The following C10orf67 variants were observed in gnomAD, a reference collection of about 807,000 sequenced individuals.
The protein encoded by C10orf67 is uncharacterized protein C10orf67, mitochondrial.
A neutral mutation model predicts 35.6 loss-of-function variants in C10orf67; 60 were observed. That is an observed-to-expected ratio of 1.68 (90% CI 1.37 to 2.09). C10orf67 has a LOEUF of 2.09. Among genes scored for constraint, C10orf67 ranks in the 30% most tolerant of loss-of-function variants. C10orf67 has a pLI of 0.00. For synonymous variants in C10orf67, 167 were observed against 115.8 expected (o/e 1.44, Z -2.84); for missense variants, 474 against 330.2 (o/e 1.44, Z -3.38).
At chr10:23,261,197 A>T (rs1176437086) in intron 10 of C10orf67, among the ~76,000 whole-genome samples, 1 of 152,206 alleles carries the variant, frequency 6.6e-6, no homozygotes, top group Non-Finnish European at 1.5e-5. Flanking sequence ...TGGGGAGTCT[A>T]GTTAATACAA....
At chr10:23,227,634 G>A (rs1272237987) in intron 13 of C10orf67, among the ~76,000 whole-genome samples, 1 of 152,200 alleles carries the variant, frequency 6.6e-6, no homozygotes, top group Non-Finnish European at 1.5e-5. Flanking sequence ...ATTTGGAAAA[G>A]AGGAAGTCAA....
intron 12 of C10orf67, among the ~76,000 whole-genome samples, chr10:23,245,579 C>A (rs144817245): frequency 4.0e-3 from 611 of 152,250 alleles, no homozygotes; most frequent in African/African-American, 0.014. Context: ...AGAAGACACA[C>A]AAATGGCCAA....
At chr10:23,321,804 G>A (rs10828427) in intron 3 of C10orf67, among the ~76,000 whole-genome samples, 11,706 of 152,010 alleles carry the variant, frequency 0.077, 1,395 homozygotes, top group East Asian at 0.63. Context: ...TTGGTTTTCT[G>A]AGACGGGGGT....
intron 4 of C10orf67, among the ~76,000 whole-genome samples, chr10:23,312,361 C>T (rs1844531249): frequency 6.6e-6 from 1 of 152,024 alleles, no homozygotes; most frequent in Non-Finnish European, 1.5e-5. Flanking sequence ...TGAAGGAAGC[C>T]CCTACCAGCT....
chr10:23,250,070 G>C (rs1239241015), intron 12 of C10orf67, among the ~76,000 whole-genome samples: 1 of 152,206 alleles, frequency 6.6e-6, no homozygotes, highest in African/African-American at 2.4e-5. Flanking sequence ...GTGTCTGGTA[G>C]AGGATCTGAT....
chr10:23,233,848 T>C (rs949955983), intron 13 of C10orf67, among the ~76,000 whole-genome samples: 2 of 152,218 alleles, frequency 1.3e-5, no homozygotes, highest in Non-Finnish European at 2.9e-5. Flanking sequence ...CCTTAAAGTT[T>C]AGCATTACAA....
chr10:23,304,815 T>G (rs1015481964), intron 4 of C10orf67, among the ~76,000 whole-genome samples: 4 of 152,120 alleles, frequency 2.6e-5, no homozygotes, highest in African/African-American at 7.2e-5. Flanking sequence ...CAAACCCAAC[T>G]GTGAAACCTG....
At chr10:23,313,153 A>G (rs907875995) in intron 4 of C10orf67, among the ~76,000 whole-genome samples, 1 of 152,014 alleles carries the variant, frequency 6.6e-6, no homozygotes, top group African/African-American at 2.4e-5. Flanking sequence ...TTAACTATTC[A>G]CCCAAATTGA....
intron 2 of C10orf67, among the ~76,000 whole-genome samples, chr10:23,331,982 T>C (rs1588707426): frequency 6.6e-6 from 1 of 152,208 alleles, no homozygotes; most frequent in African/African-American, 2.4e-5. Flanking sequence ...AGCGGGAGTG[T>C]AAATTGGTAA....
chr10:23,335,662 A>T, intron 1 of C10orf67, among the ~76,000 whole-genome samples: 1 of 152,026 alleles, frequency 6.6e-6, no homozygotes, highest in Admixed American at 6.6e-5. Context: ...TAACATGAAA[A>T]CTCCTTGATA....
intron 15 of C10orf67, among the ~76,000 whole-genome samples, chr10:23,217,422 C>A (rs770034999): frequency 2.6e-5 from 4 of 152,114 alleles, no homozygotes; most frequent in Admixed American, 1.3e-4. Flanking sequence ...TGTATAATAT[C>A]CTGTAACATT....
intron 2 of C10orf67, among the ~76,000 whole-genome samples, chr10:23,328,993 C>CAAAAAAAAAAAAAAAAAAGAAAAAAAGA (rs1845310437): frequency 6.4e-5 from 5 of 78,732 alleles, no homozygotes; most frequent in Admixed American, 3.1e-4. Context: ...CATAAACGAA[C>CAAAAAAAAAAAAAAAAAAGAAAAAAAGA]AAAAAAAAAA....
chr10:23,328,427 T>G (rs1845285326), intron 2 of C10orf67, among the ~76,000 whole-genome samples: 1 of 152,170 alleles, frequency 6.6e-6, no homozygotes, highest in Non-Finnish European at 1.5e-5. Flanking sequence ...TTCTCCCATA[T>G]TCTCCTTCCA....
intron 10 of C10orf67, among the ~76,000 whole-genome samples, chr10:23,260,127 A>G (rs1842708404): frequency 6.6e-6 from 1 of 152,102 alleles, no homozygotes; most frequent in African/African-American, 2.4e-5. Flanking sequence ...AGAAAGAGAA[A>G]CTCTTGAAGT....
At chr10:23,273,111 T>C (rs1294234377) in intron 8 of C10orf67, among the ~76,000 whole-genome samples, 1 of 152,216 alleles carries the variant, frequency 6.6e-6, no homozygotes, top group Admixed American at 6.5e-5. Context: ...ATAGAGATGA[T>C]CATGTCGTCT....
intron 12 of C10orf67, among the ~76,000 whole-genome samples, chr10:23,241,075 C>A (rs974168855): frequency 6.6e-6 from 1 of 152,184 alleles, no homozygotes; most frequent in Non-Finnish European, 1.5e-5. Flanking sequence ...AACCTTGAGT[C>A]ACAGAGAATT....
intron 1 of C10orf67, among the ~76,000 whole-genome samples, chr10:23,339,640 G>A (rs536361465): frequency 4.8e-4 from 73 of 152,274 alleles, no homozygotes; most frequent in African/African-American, 1.7e-3. Context: ...TTGAGGGCGG[G>A]TCTTCTAACT....
chr10:23,290,616 T>C (rs1209275392), intron 6 of C10orf67, among the ~76,000 whole-genome samples: 1 of 152,210 alleles, frequency 6.6e-6, no homozygotes, highest in Admixed American at 6.5e-5. Flanking sequence ...ATGTTTGTGG[T>C]ATGAAAGAAA....
At chr10:23,332,589 T>C (rs1339193210) in intron 2 of C10orf67, among the ~76,000 whole-genome samples, 1 of 150,946 alleles carries the variant, frequency 6.6e-6, no homozygotes, top group Non-Finnish European at 1.5e-5. Flanking sequence ...GAGGCTGAAG[T>C]GGGAGGATCA....
Sources: allele counts gnomAD v4.1 joint callset (sites outside exome capture counted in the v4.1 genomes callset), GRCh38; gene constraint gnomAD v4.1.1; transcripts MANE v1.5; gene names NCBI Gene and HGNC (gene_info 2026-07-23, HGNC 2026-07-21).